LMBR1: variants seen among roughly 807,000 people sequenced by gnomAD.
LMBR1 encodes limb region 1 protein homolog.
LMBR1 carries 52 observed loss-of-function variants against 73.9 expected under a neutral mutation model. That is an observed-to-expected ratio of 0.70 (90% CI 0.56 to 0.89). LMBR1 has a LOEUF of 0.89. Among genes scored for constraint, LMBR1 ranks in the 40% least tolerant of loss-of-function variants. The probability of loss-of-function intolerance (pLI) is 0.00; values close to 1 mark genes in which losing one functional copy is unlikely to be tolerated. For synonymous variants in LMBR1, 215 were observed against 209.4 expected (o/e 1.03, Z -0.23); for missense variants, 539 against 579.8 (o/e 0.93, Z 0.72).
At chr7:156,676,463 T>C (rs1804069262), downstream of LMBR1, 5 of 1,613,932 alleles carry the variant, frequency 3.1e-6, no homozygotes, top group Admixed American at 1.7e-5. Context: ...GCCTGGCCCC[T>C]CTCTCCGCTG....
chr7:156,850,065 C>T (rs1209736237), intron 1 of LMBR1, among the ~76,000 whole-genome samples: 2 of 152,154 alleles, frequency 1.3e-5, no homozygotes, highest in East Asian at 3.8e-4. Context: ...TCCCAAAGTT[C>T]ATGTATTTGA....
chr7:156,787,787 AT>A (rs1226722960), intron 5 of LMBR1, among the ~76,000 whole-genome samples: 3 of 151,534 alleles, frequency 2.0e-5, no homozygotes, highest in Non-Finnish European at 4.4e-5. Context: ...TTTTTCTTTT[AT>A]TTTTTAGAGA....
chr7:156,849,324 G>C (rs535006152), intron 1 of LMBR1, among the ~76,000 whole-genome samples: 21 of 152,122 alleles, frequency 1.4e-4, no homozygotes, highest in Non-Finnish European at 2.4e-4. Context: ...AGAACACATG[G>C]ACATAGGGAA....
At chr7:156,827,324 T>C (rs915360791) in intron 3 of LMBR1, among the ~76,000 whole-genome samples, 1 of 152,098 alleles carries the variant, frequency 6.6e-6, no homozygotes, top group African/African-American at 2.4e-5. Flanking sequence ...CACTACTTTG[T>C]CATAAAAAAG....
chr7:156,868,801 A>C (rs1447662278), intron 1 of LMBR1, among the ~76,000 whole-genome samples: 1 of 152,100 alleles, frequency 6.6e-6, no homozygotes, highest in Admixed American at 6.5e-5. Flanking sequence ...CCCCATCTCT[A>C]CAAAAAATAT....
chr7:156,698,567 A>T (rs1808866613), intron 15 of LMBR1, among the ~76,000 whole-genome samples: 1 of 152,216 alleles, frequency 6.6e-6, no homozygotes, highest in African/African-American at 2.4e-5. Flanking sequence ...TCAACACCAC[A>T]TAGAAGCTGC....
At position 156,688,124 on chromosome 7, in the gene LMBR1, T is replaced by C. The variant is rs369235778; in HGVS notation, c.1293A>G (p.Val431=). ...RFNWLGNFYI[V]LSYNLLFAIV... is the part of the protein sequence containing the mutation. ...TAGCAAAAAGCAAATTGTAGGATAATACAATATAGAAATTTCCCAGCCAAT... is the reference window on the plus strand; with the variant it reads ...TAGCAAAAAGCAAATTGTAGGATAACACAATATAGAAATTTCCCAGCCAAT... The change falls in exon 16 of 17, where the codon GTA becomes GTG. Residue 431 remains valine (V), a synonymous_variant. Transcript: ENST00000353442. The C allele has an allele frequency of 6.2e-6, 10 of 1,611,510 alleles. No homozygotes were observed. Among genetic ancestry groups the C allele is most frequent in the Admixed American group, 3.4e-5 (2 of 59,562 alleles).
chr7:156,752,577 G>C (rs954517279), intron 9 of LMBR1, among the ~76,000 whole-genome samples: 3 of 152,194 alleles, frequency 2.0e-5, no homozygotes, highest in Non-Finnish European at 4.4e-5. Context: ...GCTGTGAGGG[G>C]AGCTGCAGGG....
intron 5 of LMBR1, among the ~76,000 whole-genome samples, chr7:156,766,884 G>C (rs553316552): frequency 6.6e-6 from 1 of 152,138 alleles, no homozygotes; most frequent in Non-Finnish European, 1.5e-5. Context: ...CAGGTAAAAG[G>C]TCCTGTGGGT....
At chr7:156,799,345 G>A (rs766821656) in intron 4 of LMBR1, among the ~76,000 whole-genome samples, 1 of 152,102 alleles carries the variant, frequency 6.6e-6, no homozygotes, top group Non-Finnish European at 1.5e-5. Context: ...CCAATACCAC[G>A]TGCTCACTTC....
At chr7:156,824,071 CAGAG>C (rs1835230138) in intron 4 of LMBR1, 1 of 151,138 alleles carries the variant, frequency 6.6e-6, no homozygotes, top group Non-Finnish European at 1.5e-5. Context: ...GCCTGGGTGA[CAGAG>C]AGAGACTCCA....
chr7:156,700,600 C>T (rs908187315), intron 15 of LMBR1, among the ~76,000 whole-genome samples: 2 of 152,202 alleles, frequency 1.3e-5, no homozygotes, highest in Non-Finnish European at 2.9e-5. Context: ...AGTTCCTCAT[C>T]CCCACCTGAG....
Position 156,847,435 on chromosome 7 carries a change from T to TA in LMBR1, c.67-10551dup, listed in dbSNP as rs1795647429. Among the ~76,000 whole-genome samples, 4 of 152,304 alleles carry TA rather than the reference T, an allele frequency of 2.6e-5. No individual in the cohort carries two copies. The South Asian group carries it at 8.3e-4, about 32-fold the overall frequency. ...CATGATCCATGAAAGAAAGAATTGA[T>TA]AAGCTAGACTTTACTAAAACTTAAA... On this transcript the variant is annotated intron_variant, in intron 1 of 16. Transcript: ENST00000353442.
rs969934431 is a variant in LMBR1, at chr7:156,688,129, T to C, written c.1288A>G (p.Ile430Val). 1.9e-6 allele frequency: 3 copies of C among 1,610,888 alleles called. No homozygotes were observed. The highest frequency in any genetic ancestry group is 4.5e-5 in the East Asian group (2 of 44,804). The change falls in exon 16 of 17, where the codon ATT (isoleucine) becomes GTT (valine). Residue 430 changes from isoleucine to valine, a missense_variant. Around this residue, in one of 3 missense-constraint regions of LMBR1, gnomAD observed 69 missense variants for 68.5 expected, o/e 1.01. Transcript: ENST00000353442. The part of the protein sequence containing the change: ...GRFNWLGNFY[I>V]VLSYNLLFAI... The stretch of plus-strand genomic sequence containing the variant: ...AAAAGCAAATTGTAGGATAATACAA[T>C]ATAGAAATTTCCCAGCCAATTAAAC...
At position 156,791,733 on chromosome 7, in the gene LMBR1, T is replaced by C. The variant is rs181332317; in HGVS notation, c.423+4656A>G. 3.8e-4 allele frequency among the ~76,000 whole-genome samples: 58 copies of C among 152,338 alleles called. No individual in the cohort carries two copies. Among genetic ancestry groups the C allele is most frequent in the Middle Eastern group, 3.4e-3 (1 of 294 alleles). The stretch of plus-strand genomic sequence containing the variant: ...TTATCAGGCACTTTGTTTGAAGTTA[T>C]AGGAGTTAACCTCTTAATCCTACAG... On this transcript the variant is annotated intron_variant, in intron 5 of 16. Coordinates refer to ENST00000353442, the MANE Select transcript of LMBR1 (RefSeq NM_022458.4).
At position 156,763,776 on chromosome 7, in the gene LMBR1, A is replaced by C; in HGVS notation, c.443T>G (p.Leu148Ter). Reference protein sequence around the residue: ...GLKKGIRARILETLVMLLLLA... With the variant: ...GLKKGIRARI Reference sequence around the variant, plus strand: ...AAGAAGAAGCATGACCAAAGTCTCTAAAATGCGGGCTCGGATTCCCTGAAA... The same window carrying C: ...AAGAAGAAGCATGACCAAAGTCTCTCAAATGCGGGCTCGGATTCCCTGAAA... Residue 148 changes from leucine to a stop codon, truncating the protein, a stop_gained, in exon 6 of 17, where the codon TTA becomes TGA. Coordinates refer to ENST00000353442, the MANE Select transcript of LMBR1 (RefSeq NM_022458.4). LOFTEE classifies it high-confidence loss of function. The C allele has an allele frequency of 6.3e-7, 1 of 1,596,688 alleles. No individual in the cohort carries two copies. Among genetic ancestry groups the C allele is most frequent in the Non-Finnish European group, 8.5e-7 (1 of 1,175,456 alleles).
chr7:156,849,747 A>AT (rs2134060706), intron 1 of LMBR1, among the ~76,000 whole-genome samples: 1 of 152,296 alleles, frequency 6.6e-6, no homozygotes, highest in Non-Finnish European at 1.5e-5. Context: ...GTATGATTCT[A>AT]TAAGGTTAGA....
chr7:156,691,045 C>T (rs1807067262), intron 15 of LMBR1, among the ~76,000 whole-genome samples: 1 of 151,934 alleles, frequency 6.6e-6, no homozygotes, highest in Non-Finnish European at 1.5e-5. Context: ...CCTCTATTTC[C>T]GTAAAAAGGT....
intron 1 of LMBR1, among the ~76,000 whole-genome samples, chr7:156,858,001 T>C (rs1381581631): frequency 8.0e-6 from 1 of 125,462 alleles, no homozygotes; most frequent in Non-Finnish European, 1.7e-5. Context: ...GAAGAAGAAA[T>C]ATCTAAATTG....
Sources: allele counts gnomAD v4.1 joint callset (sites outside exome capture counted in the v4.1 genomes callset), GRCh38; gene constraint gnomAD v4.1.1; regional missense constraint gnomAD v4.1.1; transcripts MANE v1.5; gene names NCBI Gene and HGNC (gene_info 2026-07-23, HGNC 2026-07-21).